Variants in GRIN2A observed in about 807,000 individuals in gnomAD.
GRIN2A encodes glutamate ionotropic receptor NMDA type subunit 2A.
Under a neutral mutation model 113.4 loss-of-function variants are expected in GRIN2A, and 22 were observed. That is an observed-to-expected ratio of 0.19 (90% CI 0.14 to 0.28). The LOEUF (loss-of-function observed/expected upper bound fraction) is 0.28, where lower values mean the gene tolerates loss of function less well. Among genes scored for constraint, GRIN2A ranks in the 10% least tolerant of loss-of-function variants. The pLI, the probability that GRIN2A is intolerant of heterozygous loss-of-function variation, is 1.00. For synonymous variants in GRIN2A, 827 were observed against 738.4 expected, an observed-to-expected ratio of 1.12 and a Z score of -1.94; for missense variants, 1,502 against 1,887.0, an observed-to-expected ratio of 0.80 and a Z score of 3.78.
chr16:10,037,131 G>A (rs1359996694), intron 2 of GRIN2A: 1 of 152,168 alleles, frequency 6.6e-6, no homozygotes, highest in Non-Finnish European at 1.5e-5. Context: ...CTACCAGAGA[G>A]TTCCGCCTCG....
In GRIN2A at chr16:9,862,539, C is replaced by G. The variant is rs1003883361; in HGVS notation, c.1123-12578G>C. 2.0e-5 allele frequency among the ~76,000 whole-genome samples: 3 copies of G among 152,226 alleles called. No homozygotes were observed. The East Asian group carries it at 5.8e-4, about 29-fold the overall frequency. The stretch of plus-strand genomic sequence containing the variant: ...GCTTGTTCAATCTCAAATTTAAAAG[C>G]GGAAAAATCTTTGGAACAAAGAGCC... On this transcript the variant is annotated intron_variant, in intron 4 of 12. Coordinates refer to ENST00000330684, the MANE Select transcript of GRIN2A (RefSeq NM_001134407.3).
At chr16:10,140,736 A>G (rs185513292) in intron 2 of GRIN2A, among the ~76,000 whole-genome samples, 5 of 152,304 alleles carry the variant, frequency 3.3e-5, no homozygotes, top group African/African-American at 4.8e-5. Context: ...GAGGAAGAGG[A>G]GTCCAATCAG....
intron 3 of GRIN2A, among the ~76,000 whole-genome samples, chr16:9,912,992 G>A (rs143075815): frequency 2.6e-5 from 4 of 152,280 alleles, no homozygotes; most frequent in South Asian, 2.1e-4. Context: ...CCTTGGCCTC[G>A]CCATACATTG....
chr16:10,035,719 T>C (rs1241489841), intron 2 of GRIN2A, among the ~76,000 whole-genome samples: 1 of 135,442 alleles, frequency 7.4e-6, no homozygotes, highest in Non-Finnish European at 1.6e-5. Flanking sequence ...CACTGGATGA[T>C]CGATTTTTTT....
chr16:10,143,111 T>C (rs1346620967), intron 2 of GRIN2A, among the ~76,000 whole-genome samples: 2 of 152,246 alleles, frequency 1.3e-5, no homozygotes, highest in Non-Finnish European at 2.9e-5. Context: ...AAGATGACTA[T>C]GAAGTTGTTG....
chr16:9,774,420 G>A (rs545050470), intron 11 of GRIN2A, among the ~76,000 whole-genome samples: 3 of 152,210 alleles, frequency 2.0e-5, no homozygotes, highest in Non-Finnish European at 4.4e-5. Flanking sequence ...CAATATCTGA[G>A]TCAGACGGCC....
chr16:10,062,738 G>A (rs930474876), intron 2 of GRIN2A, among the ~76,000 whole-genome samples: 2 of 152,166 alleles, frequency 1.3e-5, no homozygotes, highest in South Asian at 2.1e-4. Flanking sequence ...GATGGCATAT[G>A]TCTATAATCC....
intron 8 of GRIN2A, among the ~76,000 whole-genome samples, chr16:9,832,929 T>C (rs1043431679): frequency 6.6e-6 from 1 of 152,222 alleles, no homozygotes; most frequent in Non-Finnish European, 1.5e-5. Context: ...TCCTAATAGA[T>C]TCCCATGACC....
intron 2 of GRIN2A, among the ~76,000 whole-genome samples, chr16:10,107,361 G>A (rs1124509): frequency 0.066 from 10,032 of 152,210 alleles, 731 homozygotes; most frequent in African/African-American, 0.18. Context: ...AGTCCCCAGA[G>A]GACAATGTAC....
chr16:9,972,976 G>C (rs929111477), intron 2 of GRIN2A, among the ~76,000 whole-genome samples: 1 of 152,172 alleles, frequency 6.6e-6, no homozygotes, highest in Non-Finnish European at 1.5e-5. Context: ...AGTTCTGATT[G>C]GCTGTCTGGA....
intron 2 of GRIN2A, among the ~76,000 whole-genome samples, chr16:10,172,519 GAGTGA>G (rs750066465): frequency 9.2e-5 from 14 of 152,328 alleles, no homozygotes; most frequent in Admixed American, 2.6e-4. Context: ...TAACATAAAT[GAGTGA>G]AGTGAAGTGA....
chr16:9,781,796 A>C (rs1002013187), intron 11 of GRIN2A, among the ~76,000 whole-genome samples: 4 of 152,342 alleles, frequency 2.6e-5, no homozygotes, highest in African/African-American at 7.2e-5. Context: ...AGGCATGAAG[A>C]AATTTCTTCC....
At chr16:9,898,125 A>G (rs990411577) in intron 3 of GRIN2A, among the ~76,000 whole-genome samples, 1 of 139,076 alleles carries the variant, frequency 7.2e-6, no homozygotes, top group South Asian at 2.2e-4. Context: ...ACAGTTTCAT[A>G]TGGTTTAACC....
intron 11 of GRIN2A, among the ~76,000 whole-genome samples, chr16:9,775,520 C>G (rs1469763385): frequency 6.6e-6 from 1 of 152,148 alleles, no homozygotes; most frequent in Non-Finnish European, 1.5e-5. Flanking sequence ...TCATGAAAAC[C>G]AGTAGTTACG....
At chr16:10,099,213 C>T (rs1378839203) in intron 2 of GRIN2A, among the ~76,000 whole-genome samples, 4 of 152,174 alleles carry the variant, frequency 2.6e-5, no homozygotes, top group East Asian at 1.9e-4. Flanking sequence ...TTATGAAAAT[C>T]AACTCCCTAT....
At chr16:9,881,590 G>T (rs779947797) in intron 4 of GRIN2A, among the ~76,000 whole-genome samples, 1 of 152,164 alleles carries the variant, frequency 6.6e-6, no homozygotes, top group Admixed American at 6.5e-5. Flanking sequence ...CGTATAAAAA[G>T]CCCATACTAA....
chr16:10,091,595 G>T (rs959954807), intron 2 of GRIN2A, among the ~76,000 whole-genome samples: 2 of 152,132 alleles, frequency 1.3e-5, no homozygotes, highest in African/African-American at 4.8e-5. Context: ...AGAGGCTGCA[G>T]TGAGCCACAG....
At chr16:10,039,813 A>AAGAGAGAGAG (rs142696536) in intron 2 of GRIN2A, among the ~76,000 whole-genome samples, 5 of 73,582 alleles carry the variant, frequency 6.8e-5, no homozygotes, top group Non-Finnish European at 1.3e-4. Flanking sequence ...GGGGGGGAGA[A>AAGAGAGAGAG]AGAGAGAGAG....
intron 4 of GRIN2A, among the ~76,000 whole-genome samples, chr16:9,859,720 T>G (rs1373230115): frequency 6.6e-6 from 1 of 151,954 alleles, no homozygotes; most frequent in Non-Finnish European, 1.5e-5. Flanking sequence ...TTCCTGCCTA[T>G]GCCTACACTA....
Sources: allele counts gnomAD v4.1 joint callset (sites outside exome capture counted in the v4.1 genomes callset), GRCh38; gene constraint gnomAD v4.1.1; transcripts MANE v1.5; gene names NCBI Gene and HGNC (gene_info 2026-07-23, HGNC 2026-07-21).